Variants in LEMD1 observed in about 807,000 individuals in gnomAD.
LEMD1 encodes the protein LEM domain containing 1.
Under a neutral mutation model 17.4 loss-of-function variants are expected in LEMD1, and 18 were observed. The ratio of observed to expected loss-of-function variants is 1.04; its 90% CI spans 0.72 to 1.54. LEMD1 has a LOEUF of 1.54. LEMD1 is among the 40% of genes most tolerant of loss of function. The pLI is 0.00. For missense variants in LEMD1, 195 were observed against 210.4 expected (o/e 0.93, Z 0.45); for synonymous variants, 88 against 77.8 (o/e 1.13, Z -0.69).
At chr1:205,419,180 G>GT (rs1558734983) in intron 3 of LEMD1, 50 bp downstream of exon 3, 1 of 1,601,166 alleles carries the variant, frequency 6.2e-7, no homozygotes, top group Admixed American at 1.7e-5. Context: ...GCTGGACAAG[G>GT]TATTAATAAG....
intron 4 of LEMD1, among the ~76,000 whole-genome samples, chr1:205,400,313 C>A: frequency 6.6e-6 from 1 of 152,218 alleles, no homozygotes; most frequent in East Asian, 1.9e-4. Flanking sequence ...CTGCCTTGGC[C>A]TCCCAAAGTG....
chr1:205,387,455 C>A (rs561851757), intron 4 of LEMD1: 2 of 151,912 alleles, frequency 1.3e-5, no homozygotes, highest in African/African-American at 4.8e-5. Flanking sequence ...GGTGTGTTTG[C>A]AGTTGATTTA....
chr1:205,391,937 G>A (rs144482107), intron 4 of LEMD1, among the ~76,000 whole-genome samples: 7 of 135,078 alleles, frequency 5.2e-5, no homozygotes, highest in African/African-American at 2.1e-4. Flanking sequence ...GTGAAACCTC[G>A]TCTCTACCGA....
At chr1:205,397,818 AAAAAG>A (rs1366556250) in intron 4 of LEMD1, among the ~76,000 whole-genome samples, 2 of 152,334 alleles carry the variant, frequency 1.3e-5, no homozygotes, top group Non-Finnish European at 2.9e-5. Context: ...TTCTTAGATG[AAAAAG>A]AAAAGAAAGC....
At position 205,384,340 on chromosome 1, in the gene LEMD1, G is replaced by A. The variant is rs2274703; in HGVS notation, c.295C>T (p.Arg99Cys). ...KKWPEASTTKRKAVDTYCLDY... is the reference protein window; with the variant it reads ...KKWPEASTTKCKAVDTYCLDY... Reference sequence around the variant, plus strand: ...AAGCAATAGGTATCTACAGCTTTGCGTTTAGTGGTGGAAGCCTCAGGCCAC... The same window carrying A: ...AAGCAATAGGTATCTACAGCTTTGCATTTAGTGGTGGAAGCCTCAGGCCAC... Residue 99 changes from arginine to cysteine, a missense_variant, in exon 5 of 6, where the codon CGC (arginine) becomes TGC (cysteine). By Grantham distance (180) the Arg-to-Cys change is radical. Coordinates refer to ENST00000367153, the MANE Select transcript of LEMD1 (RefSeq NM_001199050.2). The A allele has an allele frequency of 1.2e-3, 1,798 of 1,521,232 alleles. 34 individuals carry two copies. The East Asian group carries it at 0.041, about 35-fold the overall frequency. The allele number at this position is 1,521,232 out of a possible 1,614,324, so 94.2% of individuals were successfully genotyped here. A position where few individuals can be genotyped will look rare whatever the true frequency, so the allele number is the denominator to read the frequency against.
chr1:205,444,637 A>T (rs986994033), intron 1 of LEMD1, among the ~76,000 whole-genome samples: 1 of 152,166 alleles, frequency 6.6e-6, no homozygotes, highest in African/African-American at 2.4e-5. Context: ...AGAAAGTAAG[A>T]TAAAGAGAAA....
intron 3 of LEMD1, 126 bp downstream of exon 3, chr1:205,419,104 G>A: frequency 9.1e-7 from 1 of 1,094,856 alleles, no homozygotes; most frequent in East Asian, 2.4e-5. Flanking sequence ...CAGGCTTTCT[G>A]TGCAAAGAGG....
chr1:205,419,125 A>G, intron 3 of LEMD1, 105 bp downstream of exon 3: 1 of 1,339,238 alleles, frequency 7.5e-7, no homozygotes, highest in Non-Finnish European at 1.0e-6. Flanking sequence ...CCCTATGGCT[A>G]TTTCACAGGT....
chr1:205,412,809 G>A (rs917203991), intron 4 of LEMD1, among the ~76,000 whole-genome samples: 1 of 152,024 alleles, frequency 6.6e-6, no homozygotes, highest in South Asian at 2.1e-4. Flanking sequence ...TCAAAATATC[G>A]ATGTGGTTTT....
chr1:205,394,855 C>T (rs539516871), intron 4 of LEMD1, among the ~76,000 whole-genome samples: 78 of 151,730 alleles, frequency 5.1e-4, no homozygotes, highest in Admixed American at 2.0e-4. Context: ...GGTGTGGTGA[C>T]GTGCACCTGT....
chr1:205,381,531 A>C lies in LEMD1; in HGVS notation c.*127T>G. ...AGCCCAGACACCGATCTGTGAGAGCAGCACAGTGCAAGGGAAGGCTCCCTG... is the reference window on the plus strand; with the variant it reads ...AGCCCAGACACCGATCTGTGAGAGCCGCACAGTGCAAGGGAAGGCTCCCTG... On this transcript the variant is annotated 3_prime_UTR_variant, in exon 6 of 6. Coordinates refer to ENST00000367153, the MANE Select transcript of LEMD1 (RefSeq NM_001199050.2). 1 of 867,822 alleles carries C rather than the reference A, an allele frequency of 1.2e-6. No individual in the cohort carries two copies. The highest frequency in any genetic ancestry group is 2.4e-5 in the East Asian group (1 of 41,232). The allele number at this position is 867,822 out of a possible 1,614,324, so 53.8% of individuals were successfully genotyped here.
At position 205,448,319 on chromosome 1, in the gene LEMD1, G is replaced by A; in HGVS notation, c.-39+1549C>T. The A allele has an allele frequency of 1.9e-6, 1 of 533,008 alleles. No homozygotes were observed. Among genetic ancestry groups the A allele is most frequent in the Non-Finnish European group, 3.9e-6 (1 of 258,694 alleles). 33.0% of individuals were successfully genotyped at this position (533,008 alleles called of 1,614,324 possible). A position where few individuals can be genotyped will look rare whatever the true frequency, so the allele number is the denominator to read the frequency against. On this transcript the variant is annotated intron_variant, in intron 1 of 3. Coordinates refer to the LEMD1 transcript ENST00000367154. The surrounding 1 kb of genome is among the most constrained non-coding windows in gnomAD (Gnocchi z 4.7). The stretch of plus-strand genomic sequence containing the variant: ...CAGGAGAAGGAGCTCGCCCCTCACT[G>A]TAGCCCATGGCTTTTAGCCCTACAT...
intron 4 of LEMD1, chr1:205,387,488 C>A (rs1664089535): frequency 6.6e-6 from 1 of 151,996 alleles, no homozygotes; most frequent in Non-Finnish European, 1.5e-5. Context: ...TAAAAAATTC[C>A]ATTAATGCTG....
chr1:205,443,492 G>C (rs1666331467), intron 1 of LEMD1, among the ~76,000 whole-genome samples: 1 of 152,168 alleles, frequency 6.6e-6, no homozygotes, highest in South Asian at 2.1e-4. Context: ...CTACACATCA[G>C]AGGAAAGGAG....
At chr1:205,400,907 T>C (rs997556013) in intron 4 of LEMD1, among the ~76,000 whole-genome samples, 1 of 143,156 alleles carries the variant, frequency 7.0e-6, no homozygotes, top group Admixed American at 7.5e-5. Context: ...CCATGTGTTC[T>C]CATTGTTCAA....
intron 4 of LEMD1, among the ~76,000 whole-genome samples, chr1:205,394,741 CA>C (rs1190910441): frequency 2.6e-5 from 4 of 152,086 alleles, no homozygotes; most frequent in African/African-American, 7.2e-5. Context: ...GTAATCTCAG[CA>C]CCTTGGGAGG....
At chr1:205,402,656 T>A (rs1232035088) in intron 4 of LEMD1, among the ~76,000 whole-genome samples, 5 of 152,062 alleles carry the variant, frequency 3.3e-5, no homozygotes, top group Non-Finnish European at 5.9e-5. Context: ...ACAGGGACAA[T>A]TTGACTTCCT....
At chr1:205,411,650 A>G (rs200662534) in intron 4 of LEMD1, among the ~76,000 whole-genome samples, 2 of 97,002 alleles carry the variant, frequency 2.1e-5, no homozygotes, top group Admixed American at 1.3e-4. Flanking sequence ...AAAGAGAAAG[A>G]AAGGAAAGAA....
At chr1:205,393,103 A>G (rs1332832220) in intron 4 of LEMD1, among the ~76,000 whole-genome samples, 1 of 152,164 alleles carries the variant, frequency 6.6e-6, no homozygotes, top group Non-Finnish European at 1.5e-5. Flanking sequence ...AAACTTGCAC[A>G]TCATATATCT....
Sources: allele counts gnomAD v4.1 joint callset (sites outside exome capture counted in the v4.1 genomes callset), GRCh38; gene constraint gnomAD v4.1.1; non-coding constraint Gnocchi (gnomAD v3.1); transcripts MANE v1.5; gene names NCBI Gene and HGNC (gene_info 2026-07-23, HGNC 2026-07-21).